The following NIPAL3 variants were observed in gnomAD, a reference collection of about 807,000 sequenced individuals.
The protein encoded by NIPAL3 is NIPA like domain containing 3, also known as NIPA-like protein 3.
In NIPAL3, 41 loss-of-function variants were observed where a neutral mutation model predicts 47.2. The ratio of observed to expected loss-of-function variants is 0.87; its 90% CI spans 0.68 to 1.13. The LOEUF is 1.13. NIPAL3 is among the 50% of genes most tolerant of loss of function. The pLI, the probability that NIPAL3 is intolerant of heterozygous loss-of-function variation, is 0.00. For synonymous variants in NIPAL3, 194 were observed against 209.6 expected, an observed-to-expected ratio of 0.93 and a Z score of 0.64; for missense variants, 449 against 530.1, an observed-to-expected ratio of 0.85 and a Z score of 1.50.
rs1570344543 is a variant in NIPAL3 at position 24,454,270 on chromosome 1, G to T, written c.637+766G>T. The stretch of plus-strand genomic sequence containing the variant: ...TGAGGAGAAGCAGACAGAGGCGGAG[G>T]AGCAGGCTGGTGTCAGGGCTGGTGA... On this transcript the variant is annotated intron_variant, in intron 7 of 11. Coordinates refer to ENST00000374399, the MANE Select transcript of NIPAL3 (RefSeq NM_020448.5). The surrounding 1 kb of genome is among the most constrained non-coding windows in gnomAD (Gnocchi z 4.1). 1 of 1,164,854 alleles carries T rather than the reference G, an allele frequency of 8.6e-7. No individual in the cohort carries two copies. The allele number at this position is 1,164,854 out of a possible 1,614,324, so 72.2% of individuals were successfully genotyped here.
chr1:24,427,292 A>G (rs1363393769), intron 2 of NIPAL3, among the ~76,000 whole-genome samples: 1 of 152,188 alleles, frequency 6.6e-6, no homozygotes, highest in Non-Finnish European at 1.5e-5. Flanking sequence ...GTGTGTGTAC[A>G]AGCAGTGTAG....
At chr1:24,414,464 C>T (rs544969333), upstream of NIPAL3, 1 of 151,504 alleles carries the variant, frequency 6.6e-6, no homozygotes, top group African/African-American at 2.4e-5. Context: ...GCGGTCTCAG[C>T]GACCTTGTCA....
At chr1:24,423,498 C>T (rs1375163555) in intron 2 of NIPAL3, among the ~76,000 whole-genome samples, 2 of 152,132 alleles carry the variant, frequency 1.3e-5, no homozygotes, top group East Asian at 1.9e-4. Context: ...GGTGCGGTGG[C>T]GGGTGCCTAT....
intron 2 of NIPAL3, among the ~76,000 whole-genome samples, chr1:24,433,895 T>C (rs965994336): frequency 3.3e-5 from 5 of 152,210 alleles, no homozygotes; most frequent in Admixed American, 6.5e-5. Context: ...TAGATTGTTA[T>C]AAATTAAGGT....
intron 11 of NIPAL3, chr1:24,466,191 C>A: frequency 8.5e-7 from 1 of 1,171,900 alleles, no homozygotes; most frequent in South Asian, 1.5e-5. Context: ...TGGCCCTTTC[C>A]TGTGGAACAG....
intron 6 of NIPAL3, among the ~76,000 whole-genome samples, chr1:24,452,853 A>ATTTTTTTTT (rs3054551): frequency 2.7e-4 from 33 of 124,184 alleles, no homozygotes; most frequent in East Asian, 4.6e-4. Context: ...CGCCCAGCTA[A>ATTTTTTTTT]TTTTTTTTTT....
intron 5 of NIPAL3, among the ~76,000 whole-genome samples, chr1:24,447,213 TAGAGCTTCCC>T (rs1477200442): frequency 1.3e-5 from 2 of 152,230 alleles, no homozygotes; most frequent in Non-Finnish European, 2.9e-5. Context: ...GGCATTCTTA[TAGAGCTTCCC>T]AGGGTGAAGT....
At chr1:24,459,132 G>C (rs1646356428) in intron 9 of NIPAL3, among the ~76,000 whole-genome samples, 156 bp downstream of exon 9, 1 of 152,190 alleles carries the variant, frequency 6.6e-6, no homozygotes, top group Admixed American at 6.5e-5. Context: ...AGAGACCCGG[G>C]TTTGTATCCC....
intron 9 of NIPAL3, 24 bp from the exon 10 acceptor site, chr1:24,460,457 A>G: frequency 6.3e-7 from 1 of 1,579,714 alleles, no homozygotes; most frequent in Non-Finnish European, 8.6e-7. Context: ...GCTCAGCGGT[A>G]TTTTCTATGA....
intron 9 of NIPAL3, among the ~76,000 whole-genome samples, chr1:24,459,682 C>T (rs900049107): frequency 3.3e-5 from 5 of 152,316 alleles, no homozygotes; most frequent in Non-Finnish European, 7.3e-5. Context: ...GAGGAACACA[C>T]GAGGCGCACA....
Position 24,453,462 on chromosome 1 carries a change from G to A in NIPAL3, c.595G>A (p.Ala199Thr), listed in dbSNP as rs375916946. 5.8e-5 allele frequency: 93 copies of A among 1,613,444 alleles called. 1 individual carries two copies. The highest frequency in any genetic ancestry group is 3.5e-4 in the South Asian group (32 of 90,990). Residue 199 changes from alanine (A) to threonine (T), a missense_variant, in exon 7 of 12, where the codon GCC becomes ACC. Coordinates refer to ENST00000374399, the MANE Select transcript of NIPAL3 (RefSeq NM_020448.5). ...LLLYFYKEKN[A>T]NNIVVILLLV... ...GCTCTACTTCTACAAGGAGAAGAACGCCAACAACATTGTCGTGATTCTTCT... is the reference window on the plus strand; with the variant it reads ...GCTCTACTTCTACAAGGAGAAGAACACCAACAACATTGTCGTGATTCTTCT...
In NIPAL3 at chr1:24,416,107, C is replaced by G. The variant is rs193139067; in HGVS notation, c.-258+203C>G. On this transcript the variant is annotated intron_variant, in intron 1 of 11. Coordinates refer to ENST00000374399, the MANE Select transcript of NIPAL3 (RefSeq NM_020448.5). This position sits in a 1 kb window ranked among gnomAD's most constrained non-coding sequence, Gnocchi z 4.8. ...CAAGAGGAGCGGGGGCATGGGCTAC[C>G]TTACTAAAGGTGATGCCAGGCTCTA... 1 of 985,484 alleles carries G rather than the reference C, an allele frequency of 1.0e-6. No individual in the cohort carries two copies. Among genetic ancestry groups the G allele is most frequent in the African/African-American group, 1.7e-5 (1 of 57,352 alleles). The allele number at this position is 985,484 out of a possible 1,614,324, so 61.0% of individuals were successfully genotyped here.
At chr1:24,428,258 AAGAGAG>A (rs56082168) in intron 2 of NIPAL3, among the ~76,000 whole-genome samples, 3,625 of 119,556 alleles carry the variant, frequency 0.03, 126 homozygotes, top group African/African-American at 0.085. Context: ...CTCAAAAAGA[AAGAGAG>A]AGAGAGAGAG....
At chr1:24,440,961 C>A (rs2148805995) in intron 3 of NIPAL3, among the ~76,000 whole-genome samples, 1 of 152,302 alleles carries the variant, frequency 6.6e-6, no homozygotes, top group East Asian at 1.9e-4. Flanking sequence ...CATGAATGCA[C>A]CTTTCATCTC....
chr1:24,420,904 G>A (rs999278105), intron 2 of NIPAL3, among the ~76,000 whole-genome samples: 1 of 152,150 alleles, frequency 6.6e-6, no homozygotes, highest in Non-Finnish European at 1.5e-5. Flanking sequence ...TAGGTACAAC[G>A]AATAGGTCAA....
At chr1:24,447,056 G>A (rs1300827755) in intron 5 of NIPAL3, among the ~76,000 whole-genome samples, 1 of 152,206 alleles carries the variant, frequency 6.6e-6, no homozygotes, top group Non-Finnish European at 1.5e-5. Flanking sequence ...AATGAATAAA[G>A]TGAGAGGGAG....
chr1:24,448,435 A>G (rs1302763554), intron 5 of NIPAL3, among the ~76,000 whole-genome samples: 1 of 152,314 alleles, frequency 6.6e-6, no homozygotes, highest in Non-Finnish European at 1.5e-5. Flanking sequence ...TAGTAATTAT[A>G]TAGTTATTAT....
chr1:24,438,833 G>A (rs1645245495), intron 2 of NIPAL3, among the ~76,000 whole-genome samples: 1 of 152,226 alleles, frequency 6.6e-6, no homozygotes, highest in Non-Finnish European at 1.5e-5. Context: ...ATTCCTTGGT[G>A]TTCAGTGGTG....
chr1:24,462,260 G>A (rs1174364359), intron 10 of NIPAL3, among the ~76,000 whole-genome samples: 1 of 152,188 alleles, frequency 6.6e-6, no homozygotes, highest in Non-Finnish European at 1.5e-5. Flanking sequence ...CATGACACAT[G>A]GGGATTGTGG....
Sources: gnomAD v4.1 joint callset for allele counts (sites outside exome capture counted in the v4.1 genomes callset) on GRCh38, gnomAD v4.1.1 for gene constraint, Gnocchi (gnomAD v3.1) non-coding constraint, MANE v1.5 for transcripts, NCBI Gene and HGNC (gene_info 2026-07-23, HGNC 2026-07-21) for gene names.